Variants in CCNY observed in about 807,000 individuals in gnomAD.
CCNY encodes the protein cyclin-Y.
CCNY carries 19 observed loss-of-function variants against 42.8 expected under a neutral mutation model. The ratio of observed to expected loss-of-function variants is 0.44; its 90% CI spans 0.31 to 0.65. CCNY has a LOEUF of 0.65. CCNY is among the 30% of genes least tolerant of loss of function. The pLI is 0.07. For missense variants in CCNY, 370 were observed against 437.3 expected, an observed-to-expected ratio of 0.85 and a Z score of 1.37; for synonymous variants, 165 against 162.7, an observed-to-expected ratio of 1.01 and a Z score of -0.11.
At chr10:35,297,180 T>TA (rs1005335789) in intron 3 of CCNY, among the ~76,000 whole-genome samples, 12 of 144,924 alleles carry the variant, frequency 8.3e-5, no homozygotes, top group Middle Eastern at 3.5e-3. Flanking sequence ...ATATACAAAT[T>TA]AAAAAAAAAA....
intron 1 of CCNY, among the ~76,000 whole-genome samples, chr10:35,426,109 GCGCACACACACACACACACACACACACA>G (rs1214233444): frequency 9.0e-6 from 1 of 111,678 alleles, no homozygotes; most frequent in Non-Finnish European, 1.8e-5. Context: ...GGTCCAGCAC[GCGCACACACACACACACACACACACACA>G]CACACACACA....
At chr10:35,563,736 C>T (rs947722110) in intron 8 of CCNY, among the ~76,000 whole-genome samples, 1 of 152,094 alleles carries the variant, frequency 6.6e-6, no homozygotes, top group Admixed American at 6.5e-5. Flanking sequence ...GACAGAGTTT[C>T]GCTCTCGTTG....
intron 1 of CCNY, among the ~76,000 whole-genome samples, chr10:35,401,011 T>C (rs1056500385): frequency 7.9e-5 from 12 of 152,258 alleles, no homozygotes; most frequent in African/African-American, 2.4e-4. Context: ...AATACTTTAC[T>C]GAAGTAACTG....
At chr10:35,395,602 G>A (rs1837507653) in intron 1 of CCNY, among the ~76,000 whole-genome samples, 1 of 151,838 alleles carries the variant, frequency 6.6e-6, no homozygotes. Flanking sequence ...GAGGAGGGGG[G>A]CAATTCAGCT....
intron 1 of CCNY, among the ~76,000 whole-genome samples, chr10:35,340,476 C>A (rs1414860185): frequency 2.0e-5 from 3 of 151,344 alleles, no homozygotes; most frequent in African/African-American, 7.3e-5. Flanking sequence ...TAGGGTTTTA[C>A]CTTAAAATGG....
chr10:35,335,663 G>A (rs1392937166), upstream of CCNY, among the ~76,000 whole-genome samples: 1 of 151,968 alleles, frequency 6.6e-6, no homozygotes, highest in African/African-American at 2.4e-5. Flanking sequence ...TACCAGCCCG[G>A]GTTACGAAGC....
At chr10:35,300,772 A>G (rs1391678331) in intron 3 of CCNY, among the ~76,000 whole-genome samples, 1 of 152,082 alleles carries the variant, frequency 6.6e-6, no homozygotes, top group Non-Finnish European at 1.5e-5. Context: ...TCTATTATTT[A>G]TTCAAGCTAG....
At chr10:35,382,415 C>T (rs563546052) in intron 1 of CCNY, among the ~76,000 whole-genome samples, 3 of 152,308 alleles carry the variant, frequency 2.0e-5, no homozygotes, top group Admixed American at 6.5e-5. Context: ...GGGGCCGTGG[C>T]GCCTTTGCAG....
intron 2 of CCNY, among the ~76,000 whole-genome samples, chr10:35,494,859 CAAAGG>C: frequency 6.6e-6 from 1 of 152,286 alleles, no homozygotes; most frequent in Non-Finnish European, 1.5e-5. Context: ...AAAAGAGACT[CAAAGG>C]ATACACATCA....
chr10:35,477,240 C>T (rs575131884), intron 1 of CCNY, among the ~76,000 whole-genome samples: 37 of 152,292 alleles, frequency 2.4e-4, no homozygotes, highest in South Asian at 1.2e-3. Flanking sequence ...CCTTCTGAAA[C>T]GATTCCAATC....
upstream of CCNY, among the ~76,000 whole-genome samples, chr10:35,332,111 G>C (rs1835950463): frequency 6.6e-6 from 1 of 152,194 alleles, no homozygotes; most frequent in Non-Finnish European, 1.5e-5. Flanking sequence ...AGGACAAAAG[G>C]CAGGCCTCAT....
chr10:35,337,352 C>T (rs1836065933), intron 1 of CCNY, 145 bp downstream of exon 1: 1 of 818,276 alleles, frequency 1.2e-6, no homozygotes. Context: ...GCCTAGGCGC[C>T]CGGGGCCCCG....
intron 1 of CCNY, among the ~76,000 whole-genome samples, chr10:35,346,713 GC>G (rs1395426298): frequency 6.6e-6 from 1 of 152,144 alleles, no homozygotes; most frequent in African/African-American, 2.4e-5. Context: ...GCAAACCTCC[GC>G]CTCCTGGGCT....
At chr10:35,553,519 A>G (rs1316587281) in intron 8 of CCNY, among the ~76,000 whole-genome samples, 2 of 152,216 alleles carry the variant, frequency 1.3e-5, no homozygotes, top group African/African-American at 4.8e-5. Flanking sequence ...TGGGCTTTGT[A>G]TCTCACTGCA....
chr10:35,501,459 T>C (rs566289644), intron 2 of CCNY, 42 bp from the exon 3 acceptor site: 1 of 1,592,270 alleles, frequency 6.3e-7, no homozygotes, highest in Non-Finnish European at 8.6e-7. Context: ...GGGGTTGGCA[T>C]GCAGGCATAT....
At chr10:35,463,622 T>G (rs1362999) in intron 1 of CCNY, among the ~76,000 whole-genome samples, 1 of 152,008 alleles carries the variant, frequency 6.6e-6, no homozygotes. Flanking sequence ...ACCAACACTT[T>G]AGGAAACAAC....
chr10:35,285,897 C>A (rs546041844), intron 3 of CCNY, among the ~76,000 whole-genome samples: 81 of 152,310 alleles, frequency 5.3e-4, no homozygotes, highest in African/African-American at 1.9e-3. Flanking sequence ...ACTGCAACCT[C>A]TGCCTCCCGG....
chr10:35,297,753 G>GA (rs985271227), intron 3 of CCNY, among the ~76,000 whole-genome samples: 1 of 151,640 alleles, frequency 6.6e-6, no homozygotes, highest in African/African-American at 2.4e-5. Context: ...GCCACAAAAA[G>GA]AAAAAAATAC....
chr10:35,471,481 A>G (rs1839390653), intron 1 of CCNY, among the ~76,000 whole-genome samples: 1 of 152,244 alleles, frequency 6.6e-6, no homozygotes, highest in Admixed American at 6.5e-5. Flanking sequence ...AAAAGCCAAG[A>G]TGAGCAATTG....
Sources: gnomAD v4.1 joint callset for allele counts (sites outside exome capture counted in the v4.1 genomes callset) on GRCh38, gnomAD v4.1.1 for gene constraint, MANE v1.5 for transcripts, NCBI Gene and HGNC (gene_info 2026-07-23, HGNC 2026-07-21) for gene names.